The following BCAS3 variants were observed in gnomAD, a reference collection of about 807,000 sequenced individuals.
BCAS3 encodes the protein BCAS3 microtubule associated cell migration factor.
BCAS3 carries 53 observed loss-of-function variants against 116.1 expected under a neutral mutation model. The ratio of observed to expected loss-of-function variants is 0.46; its 90% CI spans 0.37 to 0.57. BCAS3 has a LOEUF of 0.57. Ranked by LOEUF, BCAS3 falls within the 20% of genes least tolerant of loss-of-function variation. The pLI is 0.00. For missense variants in BCAS3, 917 were observed against 1,165.4 expected, an observed-to-expected ratio of 0.79 and a Z score of 3.10; for synonymous variants, 391 against 408.2, an observed-to-expected ratio of 0.96 and a Z score of 0.51.
chr17:61,016,939 T>A (rs2065499618), intron 16 of BCAS3: 1 of 152,192 alleles, frequency 6.6e-6, no homozygotes, highest in African/African-American at 2.4e-5. Context: ...AAATTGACTC[T>A]GTAGCTAGGT....
chr17:60,923,397 G>A (rs2059206567), intron 12 of BCAS3, among the ~76,000 whole-genome samples: 1 of 151,944 alleles, frequency 6.6e-6, no homozygotes, highest in African/African-American at 2.4e-5. Flanking sequence ...TTGTTTTTTT[G>A]GGCTGTATTT....
chr17:61,164,612 A>G (rs2078375608), intron 22 of BCAS3, among the ~76,000 whole-genome samples: 1 of 152,176 alleles, frequency 6.6e-6, no homozygotes, highest in African/African-American at 2.4e-5. Flanking sequence ...GATTCTGACT[A>G]AAGGGTGAGT....
rs1354432591 is a variant in BCAS3, at chr17:61,390,955, G to A, written c.2594-1022G>A. The A allele has an allele frequency of 6.6e-6, 1 of 152,260 alleles. No individual in the cohort carries two copies. Among genetic ancestry groups the A allele is most frequent in the Non-Finnish European group, 1.5e-5 (1 of 68,062 alleles). 9.4% of individuals were successfully genotyped at this position (152,260 alleles called of 1,614,324 possible). On this transcript the variant is annotated intron_variant, in intron 23 of 23. Coordinates refer to ENST00000407086, the MANE Select transcript of BCAS3 (RefSeq NM_017679.5). The surrounding 1 kb of genome is among the most constrained non-coding windows in gnomAD (Gnocchi z 6.8). ...ATCTTGGCTTGGGGCAGGCTCCAGAGACTGCCCGGTGTGTGTGTGCCCATA... is the reference window on the plus strand; with the variant it reads ...ATCTTGGCTTGGGGCAGGCTCCAGAAACTGCCCGGTGTGTGTGTGCCCATA...
At chr17:60,912,403 T>C (rs1052805089) in intron 12 of BCAS3, among the ~76,000 whole-genome samples, 5 of 152,124 alleles carry the variant, frequency 3.3e-5, no homozygotes, top group African/African-American at 1.2e-4. Flanking sequence ...TGATGAAAAA[T>C]TACATTTGGC....
intron 10 of BCAS3, among the ~76,000 whole-genome samples, chr17:60,894,976 T>C (rs1389696985): frequency 6.6e-6 from 1 of 152,202 alleles, no homozygotes; most frequent in Admixed American, 6.5e-5. Flanking sequence ...TAGCATTTTC[T>C]TGAAGATTTT....
rs1269809789 is a variant in BCAS3, at chr17:61,037,609, TA to T, written c.1763-275del. 6.6e-6 allele frequency among the ~76,000 whole-genome samples: 1 copy of T among 151,984 alleles called. No homozygotes were observed. The highest frequency in any genetic ancestry group is 2.4e-5 in the African/African-American group (1 of 41,348). On this transcript the variant is annotated intron_variant, in intron 17 of 23. Transcript: ENST00000407086. This position sits in a 1 kb window ranked among gnomAD's most constrained non-coding sequence, Gnocchi z 4.7. Reference sequence around the variant, plus strand: ...CAACACGGCGAAACCCTATCTCTACTAAAAATACAAAAATTAGCCGGGTGTG... The same window carrying T: ...CAACACGGCGAAACCCTATCTCTACTAAAATACAAAAATTAGCCGGGTGTG...
chr17:60,725,627 T>G (rs1036372955), intron 5 of BCAS3, among the ~76,000 whole-genome samples: 5 of 152,176 alleles, frequency 3.3e-5, no homozygotes, highest in Admixed American at 2.6e-4. Flanking sequence ...GATTGGGGAT[T>G]GCTGCTGGCA....
chr17:61,049,027 T>C (rs1433237429), intron 19 of BCAS3, among the ~76,000 whole-genome samples: 1 of 152,030 alleles, frequency 6.6e-6, no homozygotes, highest in African/African-American at 2.4e-5. Context: ...AGATAGATTA[T>C]AAATTGCAGA....
chr17:61,272,661 A>G (rs2050400860), intron 22 of BCAS3, among the ~76,000 whole-genome samples: 1 of 142,724 alleles, frequency 7.0e-6, no homozygotes, highest in African/African-American at 2.7e-5. Flanking sequence ...AAAAAAAAAA[A>G]AAAAAAGCAA....
At position 61,326,358 on chromosome 17, in the gene BCAS3, C is replaced by T. The variant is rs573433332; in HGVS notation, c.2426-41969C>T. Among the ~76,000 whole-genome samples, 10 of 152,214 alleles carry T rather than the reference C, an allele frequency of 6.6e-5. No individual in the cohort carries two copies. Among genetic ancestry groups the T allele is most frequent in the African/African-American group, 2.4e-4 (10 of 41,524 alleles). On this transcript the variant is annotated intron_variant, in intron 22 of 23. Transcript: ENST00000407086. The surrounding 1 kb of genome is among the most constrained non-coding windows in gnomAD (Gnocchi z 5.3). ...GGGTGGCTGGAGCTCAGCACCTAAG[C>T]GGGACAATAGCCTGGGGTGACTGTG...
rs1555807771 is a variant in BCAS3, at chr17:61,285,259, T to TGTG, written c.2426-83068_2426-83067insGTG. Among the ~76,000 whole-genome samples, 22 of 129,080 alleles carry TGTG rather than the reference T, an allele frequency of 1.7e-4. No individual in the cohort carries two copies. Among genetic ancestry groups the TGTG allele is most frequent in the African/African-American group, 6.9e-4 (20 of 28,848 alleles). The allele number at this position is 129,080 out of a possible 152,430, so 84.7% of individuals were successfully genotyped here. On this transcript the variant is annotated intron_variant, in intron 22 of 23. Transcript: ENST00000407086. The surrounding 1 kb of genome is among the most constrained non-coding windows in gnomAD (Gnocchi z 5.4). ...TGTGTGTGTGTGTGTGTGTGTGTGT[T>TGTG]TCTTGCTAAAATGCAGCAAAGGAAG...
At chr17:61,187,388 G>A (rs530173918) in intron 22 of BCAS3, among the ~76,000 whole-genome samples, 1 of 152,350 alleles carries the variant, frequency 6.6e-6, no homozygotes, top group South Asian at 2.1e-4. Context: ...CAGTAAAAGA[G>A]AGCATGGATA....
intron 22 of BCAS3, among the ~76,000 whole-genome samples, chr17:61,254,921 A>G (rs2090139884): frequency 6.6e-6 from 1 of 152,148 alleles, no homozygotes. Flanking sequence ...CTAGAAATTC[A>G]GTGAGAACAT....
chr17:60,957,588 T>G (rs745478831), intron 14 of BCAS3, among the ~76,000 whole-genome samples: 1 of 152,228 alleles, frequency 6.6e-6, no homozygotes, highest in Non-Finnish European at 1.5e-5. Flanking sequence ...GTTTTTGTTA[T>G]GTTTTTACAG....
At chr17:60,991,077 C>CT (rs2063496581) in intron 15 of BCAS3, among the ~76,000 whole-genome samples, 1 of 152,148 alleles carries the variant, frequency 6.6e-6, no homozygotes, top group Non-Finnish European at 1.5e-5. Flanking sequence ...CTTTTGCATA[C>CT]CTTCTCCATA....
chr17:61,143,811 A>T (rs1247174840), intron 22 of BCAS3, among the ~76,000 whole-genome samples: 1 of 152,192 alleles, frequency 6.6e-6, no homozygotes, highest in Non-Finnish European at 1.5e-5. Flanking sequence ...TCTGTCTCAA[A>T]AAAATAAAAT....
At position 61,241,107 on chromosome 17, in the gene BCAS3, A is replaced by G. The variant is rs2047477246; in HGVS notation, c.2426-127220A>G. On this transcript the variant is annotated intron_variant, in intron 22 of 23. Transcript: ENST00000407086. This position sits in a 1 kb window ranked among gnomAD's most constrained non-coding sequence, Gnocchi z 4.6. ...AGACTCTGAATAGCAATTACAATAC[A>G]GTTAAGCTTTCTTTGGGGGACCCTC... 1.3e-5 allele frequency among the ~76,000 whole-genome samples: 2 copies of G among 152,202 alleles called. No individual in the cohort carries two copies. Among genetic ancestry groups the G allele is most frequent in the South Asian group, 2.1e-4 (1 of 4,832 alleles).
Position 60,902,597 on chromosome 17 carries a change from TTCTC to T in BCAS3, c.739-13_739-10del, listed in dbSNP as rs1305799142. The T allele has an allele frequency of 7.1e-6, 11 of 1,551,316 alleles. No individual in the cohort carries two copies. The highest frequency in any genetic ancestry group is 2.2e-5 in the South Asian group (2 of 89,468). On this transcript the variant is annotated intron_variant, in intron 10 of 23. Coordinates refer to ENST00000407086, the MANE Select transcript of BCAS3 (RefSeq NM_017679.5). ...CAGATTAATAGAAATGACGTTCTGC[TTCTC>T]TCTCTCTCTTTTTCTCAGTTGATTC...
At chr17:60,947,375 A>G (rs1343356188) in intron 14 of BCAS3, 23 bp downstream of exon 14, 3 of 1,605,786 alleles carry the variant, frequency 1.9e-6, no homozygotes, top group Non-Finnish European at 2.6e-6. Flanking sequence ...ATTTTTCAGA[A>G]GGCGATTTCT....
Sources: gnomAD v4.1 joint callset for allele counts (sites outside exome capture counted in the v4.1 genomes callset) on GRCh38, gnomAD v4.1.1 for gene constraint, Gnocchi (gnomAD v3.1) non-coding constraint, MANE v1.5 for transcripts, NCBI Gene and HGNC (gene_info 2026-07-23, HGNC 2026-07-21) for gene names.